The following AATF variants were observed in gnomAD, a reference collection of about 807,000 sequenced individuals.
AATF encodes the protein protein AATF.
In AATF, 48 loss-of-function variants were observed where a neutral mutation model predicts 63.7. The observed-to-expected ratio is 0.75, with a 90% CI of 0.60 to 0.96. The LOEUF is 0.96. Ranked by LOEUF, AATF falls within the 40% of genes least tolerant of loss-of-function variation. The pLI is 0.00. For synonymous variants in AATF, 258 were observed against 247.7 expected, an observed-to-expected ratio of 1.04 and a Z score of -0.39; for missense variants, 639 against 685.7, an observed-to-expected ratio of 0.93 and a Z score of 0.76.
chr17:37,044,615 G>A (rs1332159852), intron 11 of AATF, among the ~76,000 whole-genome samples: 1 of 152,078 alleles, frequency 6.6e-6, no homozygotes, highest in East Asian at 1.9e-4. Flanking sequence ...TTTAAACCAG[G>A]TTTGGTTCTG....
At chr17:37,040,717 G>A (rs185865943) in intron 11 of AATF, among the ~76,000 whole-genome samples, 4 of 122,738 alleles carry the variant, frequency 3.3e-5, no homozygotes, top group Admixed American at 1.8e-4. Context: ...AACTTATTTG[G>A]GGGGGGGAAC....
At chr17:36,951,469 TAGAC>T (rs1178169522) in intron 2 of AATF, among the ~76,000 whole-genome samples, 2 of 152,212 alleles carry the variant, frequency 1.3e-5, no homozygotes, top group Admixed American at 6.5e-5. Flanking sequence ...TACCTGGAAT[TAGAC>T]AGATTTTTAT....
intron 11 of AATF, among the ~76,000 whole-genome samples, chr17:37,053,626 T>A (rs2071772279): frequency 6.6e-6 from 1 of 152,188 alleles, no homozygotes; most frequent in Non-Finnish European, 1.5e-5. Flanking sequence ...CCCAGCACTT[T>A]GGGAGGCCAA....
At chr17:36,987,474 A>G (rs528265387) in intron 5 of AATF, among the ~76,000 whole-genome samples, 1 of 152,290 alleles carries the variant, frequency 6.6e-6, no homozygotes, top group Admixed American at 6.5e-5. Flanking sequence ...ATTACATTTG[A>G]TGAAGATTTT....
chr17:36,961,875 G>A (rs973660094), intron 4 of AATF, among the ~76,000 whole-genome samples: 1 of 152,072 alleles, frequency 6.6e-6, no homozygotes, highest in African/African-American at 2.4e-5. Context: ...GGGTTTCACT[G>A]TGTTGGCCAG....
At chr17:36,951,800 G>T (rs2070857396) in intron 2 of AATF, among the ~76,000 whole-genome samples, 1 of 152,088 alleles carries the variant, frequency 6.6e-6, no homozygotes, top group South Asian at 2.1e-4. Flanking sequence ...TATATTTTTG[G>T]CAGCTTTGTG....
intron 8 of AATF, among the ~76,000 whole-genome samples, chr17:37,009,546 G>A (rs892354075): frequency 4.0e-5 from 6 of 151,674 alleles, no homozygotes; most frequent in South Asian, 2.1e-4. Flanking sequence ...GGCCGGGCGC[G>A]GTGGCTCACG....
At chr17:37,054,636 T>C (rs2071782393) in intron 11 of AATF, 1 of 152,238 alleles carries the variant, frequency 6.6e-6, no homozygotes, top group Non-Finnish European at 1.5e-5. Context: ...ACGTGAACCC[T>C]GCTGCGGACA....
At chr17:37,025,722 A>G (rs1485746032) in intron 10 of AATF, among the ~76,000 whole-genome samples, 1 of 152,200 alleles carries the variant, frequency 6.6e-6, no homozygotes, top group African/African-American at 2.4e-5. Flanking sequence ...AACTTTTACT[A>G]TCTTGATTAG....
intron 8 of AATF, among the ~76,000 whole-genome samples, chr17:37,000,785 C>T (rs2071288170): frequency 6.6e-6 from 1 of 152,072 alleles, no homozygotes; most frequent in African/African-American, 2.4e-5. Context: ...GAAGAAGGAG[C>T]AACCAGTGAT....
intron 8 of AATF, among the ~76,000 whole-genome samples, chr17:36,996,646 C>T (rs992374599): frequency 1.3e-5 from 2 of 152,122 alleles, no homozygotes; most frequent in African/African-American, 4.8e-5. Flanking sequence ...ACATTTTCCA[C>T]CAAAAGTGCT....
At chr17:36,960,173 C>G (rs147056021) in intron 4 of AATF, among the ~76,000 whole-genome samples, 3 of 152,098 alleles carry the variant, frequency 2.0e-5, no homozygotes, top group African/African-American at 7.2e-5. Flanking sequence ...AGCACCACGC[C>G]CAGCTAATTT....
intron 8 of AATF, among the ~76,000 whole-genome samples, chr17:36,995,364 A>G (rs1000171472): frequency 6.6e-6 from 1 of 152,206 alleles, no homozygotes; most frequent in African/African-American, 2.4e-5. Flanking sequence ...TTAAAAGTCG[A>G]TAATGTTGAG....
intron 3 of AATF, 123 bp from the exon 4 acceptor site, chr17:36,953,647 A>G (rs185205790): frequency 1.1e-6 from 1 of 927,698 alleles, no homozygotes; most frequent in East Asian, 2.5e-5. Context: ...TTTCCATGGC[A>G]TTAAACTGCT....
At chr17:36,970,739 G>T (rs951027002) in intron 4 of AATF, among the ~76,000 whole-genome samples, 5 of 151,732 alleles carry the variant, frequency 3.3e-5, no homozygotes, top group Non-Finnish European at 5.9e-5. Context: ...ATGAGGTCTT[G>T]TTACGTTTCC....
intron 4 of AATF, among the ~76,000 whole-genome samples, chr17:36,959,324 T>G (rs2070927528): frequency 6.6e-6 from 1 of 151,992 alleles, no homozygotes; most frequent in Admixed American, 6.5e-5. Context: ...GTTCCTGTAA[T>G]CCCATCTACT....
chr17:36,970,864 A>G (rs893438751), intron 4 of AATF, among the ~76,000 whole-genome samples: 4 of 151,840 alleles, frequency 2.6e-5, no homozygotes, highest in African/African-American at 9.7e-5. Context: ...TGCTGGGACA[A>G]TTGTGCACTC....
rs142438901 is a variant in AATF, at chr17:37,036,944, G to T, written c.1619+5259G>T. On this transcript the variant is annotated intron_variant, in intron 11 of 11. Coordinates refer to ENST00000619387, the MANE Select transcript of AATF (RefSeq NM_012138.4). ...ACCATAAGCCTAAAAATGATCCCTG[G>T]CTTTGCTAAACCCTTGATGCTCTTG... Among the ~76,000 whole-genome samples, 4 of 151,846 alleles carry T rather than the reference G, an allele frequency of 2.6e-5. No homozygotes were observed. In the East Asian group the frequency reaches 7.7e-4, roughly 29 times the overall value.
intron 11 of AATF, among the ~76,000 whole-genome samples, chr17:37,046,762 CACACACACGCAT>C (rs1174425278): frequency 6.6e-6 from 1 of 151,810 alleles, no homozygotes; most frequent in Non-Finnish European, 1.5e-5. Flanking sequence ...CACACACACA[CACACACACGCAT>C]GCACACACGC....
Sources: gnomAD v4.1 joint callset for allele counts (sites outside exome capture counted in the v4.1 genomes callset) on GRCh38, gnomAD v4.1.1 for gene constraint, MANE v1.5 for transcripts, NCBI Gene and HGNC (gene_info 2026-07-23, HGNC 2026-07-21) for gene names.